TEKT2: variants seen among roughly 807,000 people sequenced by gnomAD.
TEKT2 encodes tektin 2, also known as tektin-2.
In TEKT2, 45 loss-of-function variants were observed where a neutral mutation model predicts 49.8. The observed-to-expected ratio is 0.90, with a 90% CI of 0.71 to 1.16. The LOEUF is 1.16. Ranked by LOEUF, TEKT2 falls within the 50% of genes most tolerant of loss-of-function variation. The pLI, the probability that TEKT2 is intolerant of heterozygous loss-of-function variation, is 0.00. For missense variants in TEKT2, 523 were observed against 551.4 expected (o/e 0.95, Z 0.52); for synonymous variants, 202 against 224.6 (o/e 0.90, Z 0.90).
In TEKT2 at chr1:36,086,714, G is replaced by A. The variant is rs139190423; in HGVS notation, c.499G>A (p.Glu167Lys). Reference sequence around the variant, plus strand: ...CTGCGCTTTCCCCAGCCTCTTGCAGGAAGTCCAACAGCAGCTCAACTCCGA... The same window carrying A: ...CTGCGCTTTCCCCAGCCTCTTGCAGAAAGTCCAACAGCAGCTCAACTCCGA... ...QAFEQLCLLQ[E>K]VQQQLNSDHR... is the part of the protein sequence containing the mutation. The change falls in exon 5 of 10, where the codon GAA becomes AAA. Residue 167 changes from glutamate (E) to lysine (K), a missense_variant. By Grantham distance (56) the Glu-to-Lys change is moderately conservative. Coordinates refer to ENST00000207457, the MANE Select transcript of TEKT2 (RefSeq NM_014466.3). 6.8e-6 allele frequency: 11 copies of A among 1,614,080 alleles called. No homozygotes were observed. The highest frequency in any genetic ancestry group is 1.3e-5 in the African/African-American group (1 of 75,014).
In TEKT2 at chr1:36,085,846, C is replaced by A. The variant is rs1005825689; in HGVS notation, c.293C>A (p.Ser98Ter). 1 of 1,613,642 alleles carries A rather than the reference C, an allele frequency of 6.2e-7. No individual in the cohort carries two copies. Among genetic ancestry groups the A allele is most frequent in the South Asian group, 1.1e-5 (1 of 90,980 alleles). The change falls in exon 4 of 10, where the codon TCA becomes TAA. Residue 98 changes from serine (S) to a stop codon, truncating the protein, a stop_gained. Coordinates refer to ENST00000207457, the MANE Select transcript of TEKT2 (RefSeq NM_014466.3). LOFTEE classifies it high-confidence loss of function. The stretch of plus-strand genomic sequence containing the variant: ...CGCCCTCTTTTCTAGATGAAGGAGT[C>A]AGCAGAGCAAAACCTGCAGGCCAAG... ...EIDALTQMKE[S>*]AEQNLQAKNL...
Position 36,084,550 on chromosome 1 carries a change from G to A in TEKT2, c.-52-320G>A, listed in dbSNP as rs1343316182. 1.1e-5 allele frequency: 4 copies of A among 371,842 alleles called. No individual in the cohort carries two copies. The highest frequency in any genetic ancestry group is 2.6e-5 in the South Asian group (1 of 38,498). The allele number at this position is 371,842 out of a possible 1,614,324, so 23.0% of individuals were successfully genotyped here. On this transcript the variant is annotated intron_variant, in intron 1 of 9. Coordinates refer to ENST00000207457, the MANE Select transcript of TEKT2 (RefSeq NM_014466.3). This position sits in a 1 kb window ranked among gnomAD's most constrained non-coding sequence, Gnocchi z 4.1. ...GGGCAGGTGTGGAAAATGCATTAAG[G>A]GCAATTTTTTTCTGCCATCCGCCTA...
rs766801261 is a variant in TEKT2 at position 36,087,776 on chromosome 1, G to A, written c.1048G>A (p.Ala350Thr). The change falls in exon 9 of 10, where the codon GCT (alanine) becomes ACT (threonine). Residue 350 changes from alanine (A) to threonine (T), a missense_variant. Transcript: ENST00000207457. This position sits in a 1 kb window ranked among gnomAD's most constrained non-coding sequence, Gnocchi z 4.9. ...DEVHQLEATI[A>T]ALKQKLAQAQ... ...GGTTCACCAGCTAGAGGCAACCATC[G>A]CTGCCCTGAAGCAGAAGCTGGCGCA... is the stretch of plus-strand genomic sequence containing the variant. The A allele has an allele frequency of 1.9e-6, 3 of 1,613,786 alleles. No homozygotes were observed. Among genetic ancestry groups the A allele is most frequent in the South Asian group, 1.1e-5 (1 of 91,064 alleles).
At position 36,087,194 on chromosome 1, in the gene TEKT2, T is replaced by C; in HGVS notation, c.748-10T>C. On this transcript the variant is annotated splice_polypyrimidine_tract_variant and intron_variant, in intron 6 of 9. Coordinates refer to ENST00000207457, the MANE Select transcript of TEKT2 (RefSeq NM_014466.3). This position sits in a 1 kb window ranked among gnomAD's most constrained non-coding sequence, Gnocchi z 4.9. ...TAGACCCTCCCCTTGCCCTGTGTTT[T>C]CTCCTTCAGACCAACAACGAGCTTG... 1 of 1,614,060 alleles carries C rather than the reference T, an allele frequency of 6.2e-7. No individual in the cohort carries two copies. Among genetic ancestry groups the C allele is most frequent in the Non-Finnish European group, 8.5e-7 (1 of 1,180,016 alleles).
At position 36,086,775 on chromosome 1, in the gene TEKT2, G is replaced by A. The variant is rs1327851664; in HGVS notation, c.560G>A (p.Arg187Lys). 6.2e-7 allele frequency: 1 copy of A among 1,614,094 alleles called. No homozygotes were observed. Reference sequence around the variant, plus strand: ...AAAATGGAGACACTAGAGATCGACAGAGGCTGTCTCTCTCTCAACCTCAGA... The same window carrying A: ...AAAATGGAGACACTAGAGATCGACAAAGGCTGTCTCTCTCTCAACCTCAGA... ...RGKMETLEID[R>K]GCLSLNLRSP... Residue 187 changes from arginine (R) to lysine (K), a missense_variant, in exon 5 of 10, where the codon AGA (arginine) becomes AAA (lysine). Coordinates refer to ENST00000207457, the MANE Select transcript of TEKT2 (RefSeq NM_014466.3).
rs113540666 is a variant in TEKT2 at position 36,085,007 on chromosome 1, A to G, written c.86A>G (p.Gln29Arg). 1,074 of 1,614,016 alleles carry G rather than the reference A, an allele frequency of 6.7e-4. 6 individuals are homozygous for G. The African/African-American group carries it at 0.01, about 16-fold the overall frequency. ...TNSYLLSTNA[Q>R]LQRDASHQIR... Reference sequence around the variant, plus strand: ...AGCTACCTGCTATCCACCAATGCCCAGCTGCAGCGAGATGCTTCCCATCAG... The same window carrying G: ...AGCTACCTGCTATCCACCAATGCCCGGCTGCAGCGAGATGCTTCCCATCAG... The change falls in exon 2 of 10, where the codon CAG (glutamine) becomes CGG (arginine). Residue 29 changes from glutamine (Q) to arginine (R), a missense_variant. Physicochemically the swap from Gln to Arg is conservative, Grantham distance 43. Coordinates refer to ENST00000207457, the MANE Select transcript of TEKT2 (RefSeq NM_014466.3).
intron 4 of TEKT2, among the ~76,000 whole-genome samples, 200 bp downstream of exon 4, chr1:36,086,241 C>A (rs1202296994): frequency 3.9e-5 from 6 of 152,188 alleles, no homozygotes; most frequent in Admixed American, 3.9e-4. Context: ...CTTCTCACGA[C>A]CCTGCCCTGG....
intron 3 of TEKT2, 25 bp from the exon 4 acceptor site, chr1:36,085,811 T>A (rs1016907023): frequency 1.2e-6 from 2 of 1,607,258 alleles, no homozygotes; most frequent in African/African-American, 2.7e-5. Flanking sequence ...TGAGCCACCG[T>A]GCCCGGCCGC....
At chr1:36,085,392 C>G in intron 3 of TEKT2, 104 bp downstream of exon 3, 1 of 1,564,244 alleles carries the variant, frequency 6.4e-7, no homozygotes, top group Non-Finnish European at 8.7e-7. Flanking sequence ...AGTGGCATGT[C>G]CATCCGAGTC....
intron 4 of TEKT2, 42 bp from the exon 5 acceptor site, chr1:36,086,662 G>A (rs1483551730): frequency 6.2e-7 from 1 of 1,613,592 alleles, no homozygotes; most frequent in Non-Finnish European, 8.5e-7. Flanking sequence ...CCTGCCTCTG[G>A]CCCTTGGGGG....
In TEKT2 at chr1:36,085,059, C is replaced by T. The variant is rs761219222; in HGVS notation, c.138C>T (p.Arg46=). 2.5e-6 allele frequency: 4 copies of T among 1,614,026 alleles called. No homozygotes were observed. The highest frequency in any genetic ancestry group is 3.4e-6 in the Non-Finnish European group (4 of 1,180,052). The change falls in exon 2 of 10, where the codon CGC becomes CGT. Residue 46 remains arginine (R), a synonymous_variant. Coordinates refer to ENST00000207457, the MANE Select transcript of TEKT2 (RefSeq NM_014466.3). ...TCCGCCAGGAGGCCCGGGTGCTCCG[C>T]AACGAGACCAACAACCAGGTTGGGG... ...HQIRQEARVL[R]NETNNQTIWD...
Position 36,084,799 on chromosome 1 carries a change from T to C in TEKT2, c.-52-71T>C, listed in dbSNP as rs1643340130. 5 of 1,447,986 alleles carry C rather than the reference T, an allele frequency of 3.5e-6. No homozygotes were observed. The South Asian group carries it at 4.6e-5, about 13-fold the overall frequency. 89.7% of individuals were successfully genotyped at this position (1,447,986 alleles called of 1,614,324 possible). ...TCAGAGCAAAATGGACAGGAACAAGTCCTGCGCAGGGGGCGTGTGATCCAG... is the reference window on the plus strand; with the variant it reads ...TCAGAGCAAAATGGACAGGAACAAGCCCTGCGCAGGGGGCGTGTGATCCAG... On this transcript the variant is annotated intron_variant, in intron 1 of 9. Coordinates refer to ENST00000207457, the MANE Select transcript of TEKT2 (RefSeq NM_014466.3). The surrounding 1 kb of genome is among the most constrained non-coding windows in gnomAD (Gnocchi z 4.1).
chr1:36,087,557 C>G lies in TEKT2; in HGVS notation c.974C>G (p.Pro325Arg). ...CGGCTAGAGGCCAGAACCTACCGGC[C>G]CAACGTGGAACTCTGCCGGGACCAG... ...HTRLEARTYR[P>R]NVELCRDQAQ... Residue 325 changes from proline (P) to arginine (R), a missense_variant, in exon 8 of 10, where the codon CCC becomes CGC. Transcript: ENST00000207457. The surrounding 1 kb of genome is among the most constrained non-coding windows in gnomAD (Gnocchi z 4.9). 1.2e-6 allele frequency: 2 copies of G among 1,613,792 alleles called. No individual in the cohort carries two copies. The highest frequency in any genetic ancestry group is 1.7e-6 in the Non-Finnish European group (2 of 1,180,010).
rs1449311404 is a variant in TEKT2, at chr1:36,087,128, C to T, written c.748-76C>T. On this transcript the variant is annotated intron_variant, in intron 6 of 9. Coordinates refer to ENST00000207457, the MANE Select transcript of TEKT2 (RefSeq NM_014466.3). This position sits in a 1 kb window ranked among gnomAD's most constrained non-coding sequence, Gnocchi z 4.9. Reference sequence around the variant, plus strand: ...TGTTCCCTGCTGTGCATGTGGCCCCCTGCCCCTCGCTTGAGTAATATCCTC... The same window carrying T: ...TGTTCCCTGCTGTGCATGTGGCCCCTTGCCCCTCGCTTGAGTAATATCCTC... 1 of 1,605,558 alleles carries T rather than the reference C, an allele frequency of 6.2e-7. No individual in the cohort carries two copies. Among genetic ancestry groups the T allele is most frequent in the South Asian group, 1.1e-5 (1 of 90,656 alleles).
Position 36,085,246 on chromosome 1 carries a change from G to T in TEKT2, c.240G>T (p.Lys80Asn). Reference sequence around the variant, plus strand: ...ACCGGTGGAAGGAGATGCTGGACAAGTGTCTGACAGATTTAGATGCCGAGA... The same window carrying T: ...ACCGGTGGAAGGAGATGCTGGACAATTGTCTGACAGATTTAGATGCCGAGA... The part of the protein sequence containing the change: ...TVNRWKEMLD[K>N]CLTDLDAEID... Residue 80 changes from lysine to asparagine, a missense_variant, in exon 3 of 10, where the codon AAG becomes AAT. By Grantham distance (94) the Lys-to-Asn change is moderately conservative. Coordinates refer to ENST00000207457, the MANE Select transcript of TEKT2 (RefSeq NM_014466.3). The T allele has an allele frequency of 1.9e-6, 3 of 1,614,174 alleles. No homozygotes were observed. Among genetic ancestry groups the T allele is most frequent in the Non-Finnish European group, 2.5e-6 (3 of 1,180,030 alleles).
intron 4 of TEKT2, 120 bp from the exon 5 acceptor site, chr1:36,086,584 C>T: frequency 7.5e-7 from 1 of 1,331,588 alleles, no homozygotes; most frequent in African/African-American, 1.4e-5. Flanking sequence ...GCTGAAGCTC[C>T]ATTGTCTTCT....
At chr1:36,086,626 T>G in intron 4 of TEKT2, 78 bp from the exon 5 acceptor site, 1 of 1,602,250 alleles carries the variant, frequency 6.2e-7, no homozygotes, top group African/African-American at 1.3e-5. Flanking sequence ...CTCCTCTTCC[T>G]GTGGTGTCCC....
chr1:36,084,790 A>G lies in TEKT2; in HGVS notation c.-52-80A>G. 2 of 1,378,910 alleles carry G rather than the reference A, an allele frequency of 1.5e-6. No individual in the cohort carries two copies. The highest frequency in any genetic ancestry group is 2.1e-6 in the Non-Finnish European group (2 of 974,454). The allele number at this position is 1,378,910 out of a possible 1,614,324, so 85.4% of individuals were successfully genotyped here. A position where few individuals can be genotyped will look rare whatever the true frequency, so the allele number is the denominator to read the frequency against. On this transcript the variant is annotated intron_variant, in intron 1 of 9. Coordinates refer to ENST00000207457, the MANE Select transcript of TEKT2 (RefSeq NM_014466.3). The surrounding 1 kb of genome is among the most constrained non-coding windows in gnomAD (Gnocchi z 4.1). The stretch of plus-strand genomic sequence containing the variant: ...GGACAGGGCTCAGAGCAAAATGGAC[A>G]GGAACAAGTCCTGCGCAGGGGGCGT...
In TEKT2 at chr1:36,087,805, A is replaced by T; in HGVS notation, c.1077A>T (p.Ala359=). ...IAALKQKLAQ[A]QDALDALCKH... ...CCCTGAAGCAGAAGCTGGCGCAAGC[A>T]CAGTAGGTCTCGGGAGTGGGCGGAA... The change falls in exon 9 of 10, where the codon GCA becomes GCT. Residue 359 remains alanine, a splice_region_variant and synonymous_variant. Transcript: ENST00000207457. This position sits in a 1 kb window ranked among gnomAD's most constrained non-coding sequence, Gnocchi z 4.9. 6.2e-7 allele frequency: 1 copy of T among 1,613,682 alleles called. No homozygotes were observed. The highest frequency in any genetic ancestry group is 8.5e-7 in the Non-Finnish European group (1 of 1,179,988).
Sources: gnomAD v4.1 joint callset for allele counts (sites outside exome capture counted in the v4.1 genomes callset) on GRCh38, gnomAD v4.1.1 for gene constraint, Gnocchi (gnomAD v3.1) non-coding constraint, MANE v1.5 for transcripts, NCBI Gene and HGNC (gene_info 2026-07-23, HGNC 2026-07-21) for gene names.